CNTLN: variants seen among roughly 807,000 people sequenced by gnomAD.
CNTLN encodes the protein centlein, centrosomal protein.
Under a neutral mutation model 180.0 loss-of-function variants are expected in CNTLN, and 212 were observed. That is an observed-to-expected ratio of 1.18 (90% confidence interval 1.05 to 1.32). The LOEUF (loss-of-function observed/expected upper bound fraction) is 1.32, where lower values mean the gene tolerates loss of function less well. CNTLN is among the 40% of genes most tolerant of loss of function. CNTLN has a pLI of 0.00. For missense variants in CNTLN, 2,095 were observed against 1,610.9 expected (o/e 1.30, Z -5.14); for synonymous variants, 722 against 563.1 (o/e 1.28, Z -3.99).
chr9:17,406,816 A>G (rs577451530), intron 15 of CNTLN, among the ~76,000 whole-genome samples: 2 of 151,894 alleles, frequency 1.3e-5, no homozygotes, highest in East Asian at 3.9e-4. Context: ...AAGAGAAGGA[A>G]GCACTCTGCC....
intron 25 of CNTLN, among the ~76,000 whole-genome samples, chr9:17,499,569 C>T (rs1392013700): frequency 1.3e-5 from 2 of 152,110 alleles, no homozygotes; most frequent in African/African-American, 4.8e-5. Context: ...TGAATCTGTT[C>T]CATAAACCAA....
intron 2 of CNTLN, chr9:17,167,801 C>T (rs1820176791): frequency 6.6e-6 from 1 of 152,130 alleles, no homozygotes; most frequent in African/African-American, 2.4e-5. Flanking sequence ...GTGAACCATA[C>T]ATAATAAGTA....
chr9:17,260,607 C>T (rs763387586), intron 5 of CNTLN, among the ~76,000 whole-genome samples: 17 of 151,302 alleles, frequency 1.1e-4, no homozygotes, highest in Non-Finnish European at 1.9e-4. Context: ...TGAAAATTTT[C>T]TCCCATTCTG....
intron 21 of CNTLN, among the ~76,000 whole-genome samples, chr9:17,465,568 A>T (rs1252309101): frequency 6.7e-6 from 1 of 149,034 alleles, no homozygotes; most frequent in African/African-American, 2.4e-5. Context: ...AAAATATCCT[A>T]TTGTTTTATT....
rs187262162 is a variant in CNTLN, at chr9:17,177,472, C to T, written c.449+34096C>T. The stretch of plus-strand genomic sequence containing the variant: ...ATGTGTCCGGAATTGGTGGGTTCTT[C>T]GTCTCACTGACTTCAACAAAGAAGC... On this transcript the variant is annotated intron_variant, in intron 2 of 25. Coordinates refer to ENST00000380647, the MANE Select transcript of CNTLN (RefSeq NM_017738.4). 3.6e-4 allele frequency among the ~76,000 whole-genome samples: 55 copies of T among 152,222 alleles called. 1 individual carries two copies. The highest frequency in any genetic ancestry group is 1.2e-3 in the African/African-American group (48 of 41,528).
intron 2 of CNTLN, among the ~76,000 whole-genome samples, chr9:17,222,675 T>C (rs1049472052): frequency 6.6e-6 from 1 of 152,082 alleles, no homozygotes; most frequent in Non-Finnish European, 1.5e-5. Context: ...TATGTCTTTA[T>C]CAGCAGTGTG....
chr9:17,426,425 C>G (rs1829088193), intron 18 of CNTLN, among the ~76,000 whole-genome samples: 1 of 152,074 alleles, frequency 6.6e-6, no homozygotes, highest in Admixed American at 6.6e-5. Flanking sequence ...ATCCATTAAT[C>G]TAAAACTATT....
chr9:17,268,620 C>A (rs1047918586), intron 5 of CNTLN, among the ~76,000 whole-genome samples: 1 of 152,168 alleles, frequency 6.6e-6, no homozygotes, highest in Admixed American at 6.5e-5. Context: ...TTTTGTTTGT[C>A]TGTGCCCTGC....
At chr9:17,166,010 T>C in intron 2 of CNTLN, among the ~76,000 whole-genome samples, 1 of 152,188 alleles carries the variant, frequency 6.6e-6, no homozygotes, top group African/African-American at 2.4e-5. Flanking sequence ...CATTCTTAAA[T>C]ATGAATGTGA....
intron 7 of CNTLN, among the ~76,000 whole-genome samples, chr9:17,304,063 A>G (rs980264799): frequency 6.6e-6 from 1 of 152,160 alleles, no homozygotes; most frequent in African/African-American, 2.4e-5. Context: ...GTATCATAAT[A>G]TCTGTTTAAT....
the CNTLN span, among the ~76,000 whole-genome samples, chr9:17,509,278 C>T: frequency 4.6e-5 from 7 of 152,324 alleles, no homozygotes; most frequent in East Asian, 7.7e-4. Flanking sequence ...AGCCAGCTAC[C>T]TGGTGGCATG....
At chr9:17,186,223 A>G (rs1821428254) in intron 2 of CNTLN, among the ~76,000 whole-genome samples, 1 of 152,166 alleles carries the variant, frequency 6.6e-6, no homozygotes, top group Non-Finnish European at 1.5e-5. Flanking sequence ...GAATTCCTTG[A>G]AAAGGGTATT....
At chr9:17,408,754 T>C (rs1827607660) in intron 15 of CNTLN, among the ~76,000 whole-genome samples, 1 of 150,028 alleles carries the variant, frequency 6.7e-6, no homozygotes, top group African/African-American at 2.5e-5. Context: ...TGAGCCAAGA[T>C]CGCGCCACTG....
chr9:17,390,463 C>T (rs116002919), intron 14 of CNTLN, among the ~76,000 whole-genome samples: 3,302 of 151,946 alleles, frequency 0.022, 106 homozygotes, highest in African/African-American at 0.075. Context: ...AGGCTGGTCT[C>T]GAACCCCTGG....
At chr9:17,192,270 G>A (rs958320991) in intron 2 of CNTLN, among the ~76,000 whole-genome samples, 4 of 142,514 alleles carry the variant, frequency 2.8e-5, no homozygotes, top group Admixed American at 1.5e-4. Context: ...ATGGAGTCTC[G>A]TTCTGTCACC....
intron 2 of CNTLN, among the ~76,000 whole-genome samples, chr9:17,148,857 C>T (rs113118933): frequency 0.017 from 2,627 of 152,192 alleles, 55 homozygotes; most frequent in African/African-American, 0.06. Context: ...TTCTGGGTTA[C>T]ATGGGCAGAA....
At chr9:17,175,667 A>G (rs1820674853) in intron 2 of CNTLN, among the ~76,000 whole-genome samples, 1 of 152,090 alleles carries the variant, frequency 6.6e-6, no homozygotes, top group Non-Finnish European at 1.5e-5. Flanking sequence ...TCTTGTCTCT[A>G]TTTTTTAAAA....
chr9:17,508,965 C>T, the CNTLN span, among the ~76,000 whole-genome samples: 7 of 152,146 alleles, frequency 4.6e-5, no homozygotes, highest in Non-Finnish European at 8.8e-5. Context: ...ATTTACATCC[C>T]ATGTCATGCT....
chr9:17,194,406 A>G (rs973715618), intron 2 of CNTLN, among the ~76,000 whole-genome samples: 1 of 152,228 alleles, frequency 6.6e-6, no homozygotes, highest in African/African-American at 2.4e-5. Flanking sequence ...TTCTCCTGCC[A>G]GATACCCTAA....
Sources: gnomAD v4.1 joint callset for allele counts (sites outside exome capture counted in the v4.1 genomes callset) on GRCh38, gnomAD v4.1.1 for gene constraint, MANE v1.5 for transcripts, NCBI Gene and HGNC (gene_info 2026-07-23, HGNC 2026-07-21) for gene names.